PTPRN2: variants seen among roughly 807,000 people sequenced by gnomAD.
PTPRN2 encodes the protein protein tyrosine phosphatase receptor type N2, also known as receptor-type tyrosine-protein phosphatase N2.
A neutral mutation model predicts 118.8 loss-of-function variants in PTPRN2; 74 were observed. The observed-to-expected ratio is 0.62, with a 90% CI of 0.52 to 0.76. The LOEUF (loss-of-function observed/expected upper bound fraction) is 0.76, where lower values mean the gene tolerates loss of function less well. Ranked by LOEUF, PTPRN2 falls within the 30% of genes least tolerant of loss-of-function variation. The probability of loss-of-function intolerance (pLI) is 0.00; values close to 1 mark genes in which losing one functional copy is unlikely to be tolerated. For synonymous variants in PTPRN2, 641 were observed against 608.0 expected (o/e 1.05, Z -0.80); for missense variants, 1,481 against 1,394.4 (o/e 1.06, Z -0.99).
intron 6 of PTPRN2, among the ~76,000 whole-genome samples, chr7:158,149,010 C>T (rs1440913330): frequency 7.3e-6 from 1 of 137,160 alleles, no homozygotes; most frequent in Non-Finnish European, 1.6e-5. Context: ...CCCTCAATGA[C>T]ATCCCATCTC....
intron 11 of PTPRN2, among the ~76,000 whole-genome samples, chr7:157,957,742 G>A (rs1190547368): frequency 6.6e-6 from 1 of 152,136 alleles, no homozygotes; most frequent in Non-Finnish European, 1.5e-5. Flanking sequence ...TAAGGAGACT[G>A]AAACCGTAGT....
In PTPRN2 at chr7:158,297,096, GA is replaced by G. The variant is rs1428682281; in HGVS notation, c.277+19722del. Among the ~76,000 whole-genome samples the G allele has an allele frequency of 5.9e-5, 9 of 152,314 alleles. No individual in the cohort carries two copies. In the East Asian group the frequency reaches 1.7e-3, roughly 29 times the overall value. ...CCTCTGCTTCTGAAGCGGTAACGGT[GA>G]AAATCCTGGGAGCTCTCAGGATCCA... On this transcript the variant is annotated intron_variant, in intron 3 of 22. Transcript: ENST00000389418.
chr7:157,951,964 G>C (rs1334917243), intron 11 of PTPRN2, among the ~76,000 whole-genome samples: 1 of 152,202 alleles, frequency 6.6e-6, no homozygotes, highest in African/African-American at 2.4e-5. Flanking sequence ...GGCTGATCCT[G>C]CTGCTCTGAT....
At chr7:158,193,173 CAT>C (rs1370082773) in intron 4 of PTPRN2, among the ~76,000 whole-genome samples, 3 of 152,230 alleles carry the variant, frequency 2.0e-5, no homozygotes, top group Non-Finnish European at 4.4e-5. Context: ...TGGGCAGACA[CAT>C]GTGGTGCCCA....
intron 15 of PTPRN2, chr7:157,616,967 T>A (rs1429649339): frequency 6.6e-6 from 1 of 152,244 alleles, no homozygotes; most frequent in Admixed American, 6.5e-5. Flanking sequence ...TTCAAATACT[T>A]CTGTAGAAGT....
rs1380412135 is a variant in PTPRN2 at position 157,596,536 on chromosome 7, A to G, written c.2419-1221T>C. ...AGCCTTGAGAGGCAAGCGAGATTTG[A>G]GCACATTGCTGAGGGGCGTCAGATG... is the stretch of plus-strand genomic sequence containing the variant. On this transcript the variant is annotated intron_variant, in intron 16 of 22. Transcript: ENST00000389418. The surrounding 1 kb of genome is among the most constrained non-coding windows in gnomAD (Gnocchi z 4.2). Among the ~76,000 whole-genome samples the G allele has an allele frequency of 6.6e-6, 1 of 152,222 alleles. No individual in the cohort carries two copies. Among genetic ancestry groups the G allele is most frequent in the Non-Finnish European group, 1.5e-5 (1 of 68,046 alleles).
chr7:157,750,333 GGCTTCCCCCAC>G (rs1801388321), intron 12 of PTPRN2, among the ~76,000 whole-genome samples: 1 of 152,166 alleles, frequency 6.6e-6, no homozygotes, highest in South Asian at 2.1e-4. Context: ...TCTGGGTCTT[GGCTTCCCCCAC>G]GGCAATGAGG....
chr7:157,904,212 A>G (rs913526584), intron 11 of PTPRN2, among the ~76,000 whole-genome samples: 19 of 152,192 alleles, frequency 1.2e-4, no homozygotes, highest in African/African-American at 4.6e-4. Context: ...TGTGTGCCCC[A>G]CTAACAGCAC....
chr7:158,059,547 C>A (rs1299872191), intron 11 of PTPRN2, among the ~76,000 whole-genome samples: 2 of 116,698 alleles, frequency 1.7e-5, no homozygotes, highest in Non-Finnish European at 3.4e-5. Context: ...TGCAGTGACA[C>A]ATCACTGCAG....
chr7:158,510,019 C>T (rs987048159), intron 1 of PTPRN2, among the ~76,000 whole-genome samples: 1 of 152,220 alleles, frequency 6.6e-6, no homozygotes, highest in African/African-American at 2.4e-5. Context: ...CAGGCACACA[C>T]AACCAAGCTG....
intron 19 of PTPRN2, among the ~76,000 whole-genome samples, chr7:157,572,627 C>G (rs1254466560): frequency 6.6e-6 from 1 of 152,226 alleles, no homozygotes; most frequent in East Asian, 1.9e-4. Context: ...TCTTCCTATT[C>G]CCTGAGGAGT....
In PTPRN2 at chr7:158,138,397, C is replaced by T; in HGVS notation, c.1029G>A (p.Val343=). The T allele has an allele frequency of 1.2e-6, 2 of 1,613,728 alleles. No homozygotes were observed. The highest frequency in any genetic ancestry group is 1.1e-5 in the South Asian group (1 of 91,082). ...GGCTGCCTCGAGCTACTCCATGGTC[C>T]ACGCCTTGCATCAGGCCAGCCATCA... The part of the protein sequence containing the change: ...AELMAGLMQG[V]DHGVARGSPG... Residue 343 remains valine, a synonymous_variant, in exon 7 of 23, where the codon GTG becomes GTA. Coordinates refer to ENST00000389418, the MANE Select transcript of PTPRN2 (RefSeq NM_002847.5).
At chr7:157,544,020 CAGAG>C (rs1247628588) in intron 22 of PTPRN2, among the ~76,000 whole-genome samples, 4 of 149,958 alleles carry the variant, frequency 2.7e-5, no homozygotes, top group African/African-American at 4.9e-5. Flanking sequence ...TGGAGAGAGA[CAGAG>C]AGAGGTGGAG....
intron 12 of PTPRN2, among the ~76,000 whole-genome samples, chr7:157,890,760 G>A (rs763945825): frequency 3.3e-5 from 5 of 152,192 alleles, no homozygotes; most frequent in Non-Finnish European, 5.9e-5. Context: ...AGGGCCTCCG[G>A]TCTCACACAA....
chr7:158,422,879 T>C (rs796095427), intron 2 of PTPRN2, among the ~76,000 whole-genome samples: 11 of 152,326 alleles, frequency 7.2e-5, no homozygotes, highest in African/African-American at 2.4e-4. Flanking sequence ...TTACAAGTAG[T>C]TGGTGTGTAA....
At chr7:157,786,711 G>A (rs1418047942) in intron 12 of PTPRN2, among the ~76,000 whole-genome samples, 1 of 152,256 alleles carries the variant, frequency 6.6e-6, no homozygotes, top group African/African-American at 2.4e-5. Context: ...CAATGTGTTT[G>A]GAAACATGAA....
In PTPRN2 at chr7:157,874,266, G is replaced by T. The variant is rs141530761; in HGVS notation, c.1788+24407C>A. ...CCCCAACACTCCATGGCTCCCCATGGCCTGCAAATCAGATCACAGCCCCTA... is the reference window on the plus strand; with the variant it reads ...CCCCAACACTCCATGGCTCCCCATGTCCTGCAAATCAGATCACAGCCCCTA... On this transcript the variant is annotated intron_variant, in intron 12 of 22. Transcript: ENST00000389418. The surrounding 1 kb of genome is among the most constrained non-coding windows in gnomAD (Gnocchi z 5.8). Among the ~76,000 whole-genome samples, 2,742 of 152,194 alleles carry T rather than the reference G, an allele frequency of 0.018. 36 individuals are homozygous for T. Among genetic ancestry groups the T allele is most frequent in the Non-Finnish European group, 0.029 (1,942 of 68,020 alleles).
rs1458212250 is a variant in PTPRN2 at position 157,671,204 on chromosome 7, G to A, written c.2001+11521C>T. The stretch of plus-strand genomic sequence containing the variant: ...TCGAGCATGTAAAGGTCCCCGGTGG[G>A]TGCTGTGGGTCTATTGGACAGACCT... On this transcript the variant is annotated intron_variant, in intron 13 of 22. Coordinates refer to ENST00000389418, the MANE Select transcript of PTPRN2 (RefSeq NM_002847.5). This position sits in a 1 kb window ranked among gnomAD's most constrained non-coding sequence, Gnocchi z 4.1. Among the ~76,000 whole-genome samples the A allele has an allele frequency of 2.0e-5, 3 of 151,938 alleles. No individual in the cohort carries two copies. The highest frequency in any genetic ancestry group is 4.4e-5 in the Non-Finnish European group (3 of 67,998).
intron 13 of PTPRN2, among the ~76,000 whole-genome samples, chr7:157,672,654 A>C (rs1302957895): frequency 6.6e-6 from 1 of 152,208 alleles, no homozygotes; most frequent in Non-Finnish European, 1.5e-5. Flanking sequence ...GGGCAAATCC[A>C]GCTTCCGCTC....
Sources: allele counts gnomAD v4.1 joint callset (sites outside exome capture counted in the v4.1 genomes callset), GRCh38; gene constraint gnomAD v4.1.1; non-coding constraint Gnocchi (gnomAD v3.1); transcripts MANE v1.5; gene names NCBI Gene and HGNC (gene_info 2026-07-23, HGNC 2026-07-21).